Variants in KCNQ2 observed in about 807,000 individuals in gnomAD.
The protein encoded by KCNQ2 is potassium voltage-gated channel subfamily Q member 2, also known as potassium voltage-gated channel subfamily KQT member 2.
A neutral mutation model predicts 84.8 loss-of-function variants in KCNQ2; 14 were observed. The observed-to-expected ratio is 0.17, with a 90% confidence interval of 0.11 to 0.26. KCNQ2 has a LOEUF of 0.26. Ranked by LOEUF, KCNQ2 falls within the 10% of genes least tolerant of loss-of-function variation. KCNQ2 has a pLI of 1.00. For missense variants in KCNQ2, 788 were observed against 1,254.0 expected (o/e 0.63, Z 5.61); for synonymous variants, 599 against 554.1 (o/e 1.08, Z -1.14).
At chr20:63,436,351 G>A (rs980413133) in intron 7 of KCNQ2, among the ~76,000 whole-genome samples, 2 of 152,158 alleles carry the variant, frequency 1.3e-5, no homozygotes, top group African/African-American at 2.4e-5. Context: ...CTAACACGGT[G>A]AAACCCCGTC....
In KCNQ2 at chr20:63,406,475, T is replaced by G; in HGVS notation, c.*169A>C. ...GTTGGAAAATAACTTTTGTAAAAGG[T>G]CACTGCCAGGAGCCCCCATCCTTCA... On this transcript the variant is annotated 3_prime_UTR_variant, in exon 17 of 17. Coordinates refer to ENST00000359125, the MANE Select transcript of KCNQ2 (RefSeq NM_172107.4). The G allele has an allele frequency of 1.3e-6, 1 of 794,360 alleles. No homozygotes were observed. Among genetic ancestry groups the G allele is most frequent in the Non-Finnish European group, 1.9e-6 (1 of 517,098 alleles). 49.2% of individuals were successfully genotyped at this position (794,360 alleles called of 1,614,324 possible). A position where few individuals can be genotyped will look rare whatever the true frequency, so the allele number is the denominator to read the frequency against.
At chr20:63,418,022 G>A (rs568619809) in intron 12 of KCNQ2, among the ~76,000 whole-genome samples, 11 of 152,268 alleles carry the variant, frequency 7.2e-5, no homozygotes, top group East Asian at 1.9e-4. Context: ...GGAGGGTGGC[G>A]CGACCTGGAC....
At chr20:63,439,963 A>G (rs771524647) in intron 5 of KCNQ2, among the ~76,000 whole-genome samples, 1 of 152,242 alleles carries the variant, frequency 6.6e-6, no homozygotes, top group Non-Finnish European at 1.5e-5. Context: ...ATCGAGAACC[A>G]GAGGCCCAGC....
chr20:63,456,795 C>T (rs1474218470), intron 1 of KCNQ2, among the ~76,000 whole-genome samples: 1 of 152,220 alleles, frequency 6.6e-6, no homozygotes, highest in Non-Finnish European at 1.5e-5. Context: ...TGCAGGGGGT[C>T]CTGGGGGGTC....
chr20:63,468,145 GTCCAGGAACCAGAGAAA>G (rs1368077487), intron 1 of KCNQ2, among the ~76,000 whole-genome samples: 3 of 152,198 alleles, frequency 2.0e-5, no homozygotes, highest in African/African-American at 7.2e-5. Flanking sequence ...CTCCCAAGGG[GTCCAGGAACCAGAGAAA>G]TCCAGGTTTC....
At chr20:63,420,667 G>C (rs750432646) in intron 11 of KCNQ2, among the ~76,000 whole-genome samples, 25 of 152,314 alleles carry the variant, frequency 1.6e-4, no homozygotes, top group Middle Eastern at 3.4e-3. Flanking sequence ...CGGCGTCACA[G>C]ACACGGCTAG....
chr20:63,458,437 C>T (rs562625200), intron 1 of KCNQ2, among the ~76,000 whole-genome samples: 2 of 152,200 alleles, frequency 1.3e-5, no homozygotes, highest in Non-Finnish European at 2.9e-5. Context: ...GGCCTTTGCA[C>T]GTGCACTTCC....
intron 1 of KCNQ2, among the ~76,000 whole-genome samples, chr20:63,467,380 C>T (rs1174985217): frequency 1.3e-5 from 2 of 152,148 alleles, no homozygotes; most frequent in Non-Finnish European, 2.9e-5. Context: ...GGCTGCGGAA[C>T]GTCATTCCTA....
rs1568933980 is a variant in KCNQ2, at chr20:63,442,719, C to CCATCACCACCATCACCACCAT, written c.691-189_691-188insATGGTGGTGATGGTGGTGATG. ...ACCACCATCACCATCACCACCACCA[C>CCATCACCACCATCACCACCAT]CACCATCATCACCACCTCCACCATC... On this transcript the variant is annotated intron_variant, in intron 4 of 16. Coordinates refer to ENST00000359125, the MANE Select transcript of KCNQ2 (RefSeq NM_172107.4). Among the ~76,000 whole-genome samples, 56 of 38,402 alleles carry CCATCACCACCATCACCACCAT rather than the reference C, an allele frequency of 1.5e-3. 2 individuals carry two copies. Among genetic ancestry groups the CCATCACCACCATCACCACCAT allele is most frequent in the Non-Finnish European group, 2.2e-3 (40 of 17,882 alleles). 25.2% of individuals were successfully genotyped at this position (38,402 alleles called of 152,430 possible).
At position 63,407,068 on chromosome 20, in the gene KCNQ2, G is replaced by A; in HGVS notation, c.2195C>T (p.Pro732Leu). The A allele has an allele frequency of 6.6e-7, 1 of 1,526,322 alleles. No individual in the cohort carries two copies. Among genetic ancestry groups the A allele is most frequent in the Non-Finnish European group, 8.8e-7 (1 of 1,138,622 alleles). The allele number at this position is 1,526,322 out of a possible 1,614,324, so 94.5% of individuals were successfully genotyped here. ...CACCAGGGAGCCGTGGTCCCCCACG[G>A]GGGAGGTGCCGTGGCCCTGGCGCGG... ...SHPRQGHGTSPVGDHGSLVRI... is the reference protein window; with the variant it reads ...SHPRQGHGTSLVGDHGSLVRI... The change falls in exon 17 of 17, where the codon CCC (proline) becomes CTC (leucine). Residue 732 changes from proline to leucine, a missense_variant. Coordinates refer to ENST00000359125, the MANE Select transcript of KCNQ2 (RefSeq NM_172107.4). The surrounding 1 kb of genome is among the most constrained non-coding windows in gnomAD (Gnocchi z 7.2).
chr20:63,406,683 A>G lies in KCNQ2; in HGVS notation c.2580T>C (p.Gly860=). ...GPPPRSATGE[G]PFGDVGWAGP... ...CGGCCCAGCCCACGTCACCAAAGGG[A>G]CCCTCGCCGGTGGCCGAGCGTGGCG... The change falls in exon 17 of 17, where the codon GGT becomes GGC. Residue 860 remains glycine (G), a synonymous_variant. Coordinates refer to ENST00000359125, the MANE Select transcript of KCNQ2 (RefSeq NM_172107.4). The G allele has an allele frequency of 6.2e-7, 1 of 1,604,024 alleles. No individual in the cohort carries two copies.
At chr20:63,457,008 C>T (rs567776273) in intron 1 of KCNQ2, among the ~76,000 whole-genome samples, 3 of 152,348 alleles carry the variant, frequency 2.0e-5, no homozygotes, top group Admixed American at 6.5e-5. Context: ...ATTAGGCAGC[C>T]GCCACGCTGC....
Position 63,419,670 on chromosome 20 carries a change from T to C in KCNQ2, c.1250A>G (p.Lys417Arg), listed in dbSNP as rs927234971. 34 of 1,610,520 alleles carry C rather than the reference T, an allele frequency of 2.1e-5. No individual in the cohort carries two copies. Among genetic ancestry groups the C allele is most frequent in the Non-Finnish European group, 2.9e-5 (34 of 1,179,170 alleles). Residue 417 changes from lysine (K) to arginine (R), a missense_variant and splice_region_variant, in exon 12 of 17, where the codon AAA becomes AGA. Transcript: ENST00000359125. ...KDPPPEPSPS[K>R]GSPCRGPLCG... ...CAGGGGCCCTCTGCACGGGCTGCCT[T>C]TACTGGAAATGAGGAGAGCACAGTT...
chr20:63,468,594 T>C (rs1356471277), intron 1 of KCNQ2, among the ~76,000 whole-genome samples: 1 of 152,202 alleles, frequency 6.6e-6, no homozygotes, highest in Non-Finnish European at 1.5e-5. Flanking sequence ...GACTTGAACA[T>C]AGGCCCTCCG....
intron 1 of KCNQ2, among the ~76,000 whole-genome samples, chr20:63,463,128 A>C (rs2081997935): frequency 1.3e-5 from 2 of 151,676 alleles, no homozygotes; most frequent in Admixed American, 6.6e-5. Flanking sequence ...AAGAACGGGT[A>C]AGAAGGGGGT....
At position 63,415,054 on chromosome 20, in the gene KCNQ2, C is replaced by T. The variant is rs777441037; in HGVS notation, c.1374G>A (p.Pro458=). 9.3e-6 allele frequency: 15 copies of T among 1,607,876 alleles called. No individual in the cohort carries two copies. The highest frequency in any genetic ancestry group is 5.3e-5 in the African/African-American group (4 of 74,918). Residue 458 remains proline, a synonymous_variant, in exon 13 of 17, where the codon CCG becomes CCA. Coordinates refer to ENST00000359125, the MANE Select transcript of KCNQ2 (RefSeq NM_172107.4). ...RGVAAKGKGS[P]QAQTVRRSPS... ...GTGACCGCCTCACAGTCTGGGCCTG[C>T]GGGGACCCCTTCCCCTTGGCAGCCA...
At position 63,438,507 on chromosome 20, in the gene KCNQ2, T is replaced by C; in HGVS notation, c.1023+118A>G. 3.6e-6 allele frequency: 3 copies of C among 831,172 alleles called. No homozygotes were observed. Among genetic ancestry groups the C allele is most frequent in the Non-Finnish European group, 6.2e-6 (3 of 483,886 alleles). 51.5% of individuals were successfully genotyped at this position (831,172 alleles called of 1,614,324 possible). On this transcript the variant is annotated intron_variant, in intron 7 of 16. Coordinates refer to ENST00000359125, the MANE Select transcript of KCNQ2 (RefSeq NM_172107.4). This position sits in a 1 kb window ranked among gnomAD's most constrained non-coding sequence, Gnocchi z 5.1. ...TCCTTCCACAGATTCCTGCAGAGGG[T>C]GAGCGCTGTGGCCCATCCACAGACA...
rs1053251132 is a variant in KCNQ2, at chr20:63,440,958, G to T, written c.817-1250C>A. Among the ~76,000 whole-genome samples, 3 of 150,194 alleles carry T rather than the reference G, an allele frequency of 2.0e-5. No homozygotes were observed. In the South Asian group the frequency reaches 6.4e-4, roughly 32 times the overall value. ...CAATTTCGTTACCAAAGGAGGCGTG[G>T]TTTTTTGTTTGTTTGTTTGTTTGTT... On this transcript the variant is annotated intron_variant, in intron 5 of 16. Transcript: ENST00000359125.
At chr20:63,429,934 G>T (rs1471800437) in intron 9 of KCNQ2, among the ~76,000 whole-genome samples, 2 of 152,364 alleles carry the variant, frequency 1.3e-5, no homozygotes, top group East Asian at 3.9e-4. Context: ...CCTCCCTGCA[G>T]AGGACAGTCC....
Sources: allele counts gnomAD v4.1 joint callset (sites outside exome capture counted in the v4.1 genomes callset), GRCh38; gene constraint gnomAD v4.1.1; non-coding constraint Gnocchi (gnomAD v3.1); transcripts MANE v1.5; gene names NCBI Gene and HGNC (gene_info 2026-07-23, HGNC 2026-07-21).